LRRC36: variants seen among roughly 807,000 people sequenced by gnomAD.
LRRC36 encodes leucine-rich repeat-containing protein 36.
Under a neutral mutation model 81.1 loss-of-function variants are expected in LRRC36, and 62 were observed. The ratio of observed to expected loss-of-function variants is 0.76; its 90% CI spans 0.62 to 0.94. LRRC36 has a LOEUF of 0.94. Ranked by LOEUF, LRRC36 falls within the 40% of genes least tolerant of loss-of-function variation. LRRC36 has a pLI of 0.00. For missense variants in LRRC36, 761 were observed against 881.7 expected (o/e 0.86, Z 1.73); for synonymous variants, 334 against 348.6 (o/e 0.96, Z 0.47).
At chr16:67,343,312 G>C (rs1265526761) in intron 2 of LRRC36, among the ~76,000 whole-genome samples, 1 of 152,076 alleles carries the variant, frequency 6.6e-6, no homozygotes, top group Non-Finnish European at 1.5e-5. Flanking sequence ...CTATAATGCA[G>C]CGCTTCGGAA....
chr16:67,341,735 C>G (rs1478677882), intron 1 of LRRC36, among the ~76,000 whole-genome samples: 1 of 151,976 alleles, frequency 6.6e-6, no homozygotes, highest in Middle Eastern at 3.2e-3. Context: ...TTTAGTACAT[C>G]CTTCAGGGAA....
At position 67,326,844 on chromosome 16, in the gene LRRC36, A is replaced by G. The variant is rs1313571303; in HGVS notation, c.-19A>G. On this transcript the variant is annotated 5_prime_UTR_variant, in exon 1 of 14. Transcript: ENST00000329956. The stretch of plus-strand genomic sequence containing the variant: ...GCCGGGTGGTCTCGCGGGCGGTGGC[A>G]GGTGAGCGGCGGGCGGGGATGGCGG... 1.4e-6 allele frequency: 2 copies of G among 1,423,092 alleles called. No homozygotes were observed. Among genetic ancestry groups the G allele is most frequent in the South Asian group, 1.6e-5 (1 of 63,848 alleles). The allele number at this position is 1,423,092 out of a possible 1,614,324, so 88.2% of individuals were successfully genotyped here.
chr16:67,345,002 G>A (rs1417882980), intron 2 of LRRC36, among the ~76,000 whole-genome samples: 1 of 141,428 alleles, frequency 7.1e-6, no homozygotes, highest in African/African-American at 2.7e-5. Context: ...TTTTTTTTTT[G>A]CATTTGTACT....
chr16:67,348,983 T>C (rs1261909192), intron 4 of LRRC36, among the ~76,000 whole-genome samples: 4 of 152,188 alleles, frequency 2.6e-5, no homozygotes, highest in African/African-American at 9.6e-5. Context: ...TTTTTCTTAG[T>C]TTCCTATTTT....
At chr16:67,370,878 A>G (rs914667013) in intron 8 of LRRC36, 66 bp from the exon 9 acceptor site, 3 of 1,359,030 alleles carry the variant, frequency 2.2e-6, no homozygotes, top group Admixed American at 1.8e-5. Context: ...CAGGCAAGGT[A>G]TGGATAGAAG....
At position 67,371,214 on chromosome 16, in the gene LRRC36, A is replaced by G. The variant is rs1335895382; in HGVS notation, c.1466A>G (p.His489Arg). 1 of 1,614,176 alleles carries G rather than the reference A, an allele frequency of 6.2e-7. No homozygotes were observed. The highest frequency in any genetic ancestry group is 8.5e-7 in the Non-Finnish European group (1 of 1,180,022). Reference protein sequence around the residue: ...DNILANLNLKHGFQDATGSEP... With the variant: ...DNILANLNLKRGFQDATGSEP... Reference sequence around the variant, plus strand: ...ATCCTTGCCAACCTGAATCTAAAGCATGGTTTCCAAGATGCTACAGGCAGC... The same window carrying G: ...ATCCTTGCCAACCTGAATCTAAAGCGTGGTTTCCAAGATGCTACAGGCAGC... The change falls in exon 9 of 14, where the codon CAT (histidine) becomes CGT (arginine). Residue 489 changes from histidine to arginine, a missense_variant. By Grantham distance (29) the His-to-Arg change is conservative. Around this residue, in one of 3 missense-constraint regions of LRRC36, gnomAD observed 359 missense variants for 388.4 expected, o/e 0.92. Coordinates refer to ENST00000329956, the MANE Select transcript of LRRC36 (RefSeq NM_018296.6).
At chr16:67,345,164 A>G (rs1266004749) in intron 2 of LRRC36, among the ~76,000 whole-genome samples, 2 of 152,018 alleles carry the variant, frequency 1.3e-5, no homozygotes, top group Non-Finnish European at 2.9e-5. Context: ...ATCAAAAAAT[A>G]GTTAGCCAGG....
At chr16:67,338,865 ATTTTTTTTTTTTT>A (rs71145967) in intron 1 of LRRC36, among the ~76,000 whole-genome samples, 4 of 45,404 alleles carry the variant, frequency 8.8e-5, no homozygotes, top group Non-Finnish European at 1.3e-4. Flanking sequence ...TGGAAGCTGA[ATTTTTTTTTTTTT>A]TTTTTTTTTT....
chr16:67,378,067 A>G (rs912537128), intron 11 of LRRC36, among the ~76,000 whole-genome samples: 1 of 152,232 alleles, frequency 6.6e-6, no homozygotes, highest in Non-Finnish European at 1.5e-5. Flanking sequence ...TAGATAACTC[A>G]TAAGAAAGAT....
intron 5 of LRRC36, chr16:67,362,324 A>C (rs2039190940): frequency 3.1e-6 from 1 of 321,322 alleles, no homozygotes; most frequent in Admixed American, 4.3e-5. Flanking sequence ...CATAACGCCC[A>C]GCTAATTTTT....
chr16:67,383,188 C>T (rs145971963), intron 13 of LRRC36, among the ~76,000 whole-genome samples: 4 of 151,938 alleles, frequency 2.6e-5, no homozygotes, highest in East Asian at 1.9e-4. Context: ...TTTGGCTTGC[C>T]GATAATACAC....
At chr16:67,328,386 G>A (rs1222665018) in intron 1 of LRRC36, among the ~76,000 whole-genome samples, 4 of 152,058 alleles carry the variant, frequency 2.6e-5, no homozygotes, top group African/African-American at 7.2e-5. Flanking sequence ...GGTGGCGGGC[G>A]CCTGTAGTCC....
intron 13 of LRRC36, 33 bp downstream of exon 13, chr16:67,382,280 A>C (rs2040141074): frequency 6.7e-7 from 1 of 1,490,450 alleles, no homozygotes; most frequent in Non-Finnish European, 9.3e-7. Flanking sequence ...TGCTTCTAGA[A>C]GCAGATATTT....
intron 1 of LRRC36, among the ~76,000 whole-genome samples, chr16:67,328,411 G>T (rs1344274361): frequency 6.6e-6 from 1 of 152,110 alleles, no homozygotes; most frequent in African/African-American, 2.4e-5. Context: ...TACTCGGGAG[G>T]CTGAGGCAGG....
chr16:67,375,138 T>TA (rs79190076), intron 9 of LRRC36, 109 bp from the exon 10 acceptor site: 28,457 of 991,734 alleles, frequency 0.029, no homozygotes, highest in Non-Finnish European at 0.032. Flanking sequence ...AAAAAAAAAT[T>TA]AAAAAAAAAA....
At chr16:67,340,087 A>G (rs1567469251) in intron 1 of LRRC36, among the ~76,000 whole-genome samples, 1 of 152,054 alleles carries the variant, frequency 6.6e-6, no homozygotes, top group Non-Finnish European at 1.5e-5. Context: ...GGTTGCAGTG[A>G]GCCAAGATCG....
chr16:67,377,698 G>A (rs557347542), intron 11 of LRRC36, among the ~76,000 whole-genome samples: 2 of 150,434 alleles, frequency 1.3e-5, no homozygotes, highest in South Asian at 2.1e-4. Flanking sequence ...GCAATGGTGC[G>A]ATCTCGGCTC....
intron 5 of LRRC36, among the ~76,000 whole-genome samples, chr16:67,353,706 G>T (rs2038764615): frequency 3.3e-5 from 5 of 152,094 alleles, no homozygotes; most frequent in Admixed American, 3.3e-4. Context: ...CTCTTACCAG[G>T]CATGGTTAAT....
At chr16:67,365,449 G>A in intron 7 of LRRC36, 94 bp downstream of exon 7, 5 of 1,086,576 alleles carry the variant, frequency 4.6e-6, no homozygotes, top group Non-Finnish European at 5.5e-6. Flanking sequence ...CTCAATATGG[G>A]GGCCCTATTT....
Sources: gnomAD v4.1 joint callset for allele counts (sites outside exome capture counted in the v4.1 genomes callset) on GRCh38, gnomAD v4.1.1 for gene constraint, gnomAD v4.1.1 regional missense constraint, MANE v1.5 for transcripts, NCBI Gene and HGNC (gene_info 2026-07-23, HGNC 2026-07-21) for gene names.